The following TMEM132C variants were observed in gnomAD, a reference collection of about 807,000 sequenced individuals.
TMEM132C encodes the protein protein phosphatase 1, regulatory subunit 152.
A neutral mutation model predicts 61.4 loss-of-function variants in TMEM132C; 29 were observed. The ratio of observed to expected loss-of-function variants is 0.47; its 90% CI spans 0.35 to 0.64. The LOEUF (loss-of-function observed/expected upper bound fraction) is 0.64, where lower values mean the gene tolerates loss of function less well. TMEM132C is among the 30% of genes least tolerant of loss of function. TMEM132C has a pLI of 0.00. For missense variants in TMEM132C, 1,408 were observed against 1,476.9 expected (o/e 0.95, Z 0.76); for synonymous variants, 656 against 633.1 (o/e 1.04, Z -0.54).
intron 2 of TMEM132C, among the ~76,000 whole-genome samples, chr12:128,424,951 C>G (rs944889921): frequency 6.6e-6 from 1 of 152,156 alleles, no homozygotes; most frequent in Non-Finnish European, 1.5e-5. Context: ...TTTAGAAACC[C>G]CCTCAACATT....
At chr12:128,540,021 C>T (rs556909410) in intron 2 of TMEM132C, among the ~76,000 whole-genome samples, 71 of 152,182 alleles carry the variant, frequency 4.7e-4, no homozygotes, top group African/African-American at 1.6e-3. Context: ...TCAAAGCCAT[C>T]CTCTTAATTT....
At chr12:128,325,214 A>T (rs986174157) in intron 1 of TMEM132C, among the ~76,000 whole-genome samples, 1 of 152,176 alleles carries the variant, frequency 6.6e-6, no homozygotes, top group Non-Finnish European at 1.5e-5. Flanking sequence ...TTAATTTTGT[A>T]TAGGAAAACA....
At chr12:128,312,545 G>C (rs1872007332) in intron 1 of TMEM132C, among the ~76,000 whole-genome samples, 1 of 152,180 alleles carries the variant, frequency 6.6e-6, no homozygotes, top group Non-Finnish European at 1.5e-5. Context: ...CGGGAAGGGA[G>C]AGGGAGACTT....
chr12:128,415,037 C>T lies in TMEM132C; in HGVS notation c.391C>T (p.Leu131=), dbSNP rs1401563797. 6.4e-7 allele frequency: 1 copy of T among 1,573,710 alleles called. No individual in the cohort carries two copies. The highest frequency in any genetic ancestry group is 1.9e-5 in the Admixed American group (1 of 53,840). The change falls in exon 2 of 9, where the codon CTA becomes TTA. Residue 131 remains leucine (L), a synonymous_variant. Coordinates refer to ENST00000435159, the MANE Select transcript of TMEM132C (RefSeq NM_001136103.3). The surrounding 1 kb of genome is among the most constrained non-coding windows in gnomAD (Gnocchi z 5.8). The part of the protein sequence containing the change: ...PTNKFSFDWK[L]KAHILRDKVY... ...CAATAAGTTTAGTTTTGATTGGAAACTAAAAGCCCACATCCTGCGGGACAA... is the reference window on the plus strand; with the variant it reads ...CAATAAGTTTAGTTTTGATTGGAAATTAAAAGCCCACATCCTGCGGGACAA...
At chr12:128,382,473 T>C (rs10773533) in intron 1 of TMEM132C, among the ~76,000 whole-genome samples, 59,675 of 151,806 alleles carry the variant, frequency 0.39, 12,170 homozygotes, top group Middle Eastern at 0.46. Context: ...TTTTTAATTT[T>C]AGTTAATTTT....
intron 1 of TMEM132C, among the ~76,000 whole-genome samples, chr12:128,396,807 C>T (rs1874973711): frequency 6.6e-6 from 1 of 152,114 alleles, no homozygotes; most frequent in African/African-American, 2.4e-5. Context: ...CCGGAGCTGC[C>T]CTCTCCACAG....
chr12:128,476,731 C>T (rs548802625), intron 2 of TMEM132C, among the ~76,000 whole-genome samples: 2 of 152,278 alleles, frequency 1.3e-5, no homozygotes, highest in South Asian at 4.1e-4. Flanking sequence ...AATACTTGGG[C>T]CTCACCCCCT....
intron 2 of TMEM132C, among the ~76,000 whole-genome samples, chr12:128,481,003 C>T (rs1474734117): frequency 6.6e-6 from 1 of 152,168 alleles, no homozygotes. Flanking sequence ...CAGCATCTCG[C>T]ACGCTTCCTG....
intron 5 of TMEM132C, among the ~76,000 whole-genome samples, chr12:128,674,986 G>A (rs547399473): frequency 2.0e-5 from 3 of 152,292 alleles, no homozygotes; most frequent in Non-Finnish European, 2.9e-5. Context: ...GCACTTGAAT[G>A]TGTGTAGATG....
At chr12:128,269,347 C>CGT (rs58843737) in intron 1 of TMEM132C, among the ~76,000 whole-genome samples, 6,262 of 143,096 alleles carry the variant, frequency 0.044, 135 homozygotes, top group Non-Finnish European at 0.056. Context: ...GCTCACATTC[C>CGT]GTGTGTGTGT....
intron 4 of TMEM132C, among the ~76,000 whole-genome samples, chr12:128,654,425 G>A (rs912860906): frequency 2.6e-5 from 4 of 152,158 alleles, no homozygotes; most frequent in African/African-American, 9.7e-5. Context: ...CAAAGTTCTG[G>A]CCTCCAGAAC....
In TMEM132C at chr12:128,669,404, T is replaced by A; in HGVS notation, c.1306-13T>A. ...ATCTCCCTTGACCCAGTGTGTTTGA[T>A]TCTTTTTGGCAGGACACTGAAATTC... On this transcript the variant is annotated splice_polypyrimidine_tract_variant and intron_variant, in intron 4 of 8. Transcript: ENST00000435159. The A allele has an allele frequency of 6.4e-7, 1 of 1,551,480 alleles. No homozygotes were observed. Among genetic ancestry groups the A allele is most frequent in the Non-Finnish European group, 8.7e-7 (1 of 1,146,902 alleles).
chr12:128,353,566 C>T (rs1159136156), intron 1 of TMEM132C, among the ~76,000 whole-genome samples: 2 of 152,194 alleles, frequency 1.3e-5, no homozygotes, highest in East Asian at 3.8e-4. Flanking sequence ...TTTATTGCCC[C>T]TACTTTGCGC....
At chr12:128,639,153 ATGGTGATGG>A (rs1395557654) in intron 4 of TMEM132C, among the ~76,000 whole-genome samples, 1 of 140,412 alleles carries the variant, frequency 7.1e-6, no homozygotes, top group African/African-American at 2.7e-5. Context: ...GGTGATGATG[ATGGTGATGG>A]TGGTGATGGT....
chr12:128,356,767 C>A (rs1041833153), intron 1 of TMEM132C, among the ~76,000 whole-genome samples: 3 of 152,178 alleles, frequency 2.0e-5, no homozygotes, highest in African/African-American at 7.2e-5. Context: ...GCCTTCTGCC[C>A]GCTCTGGAGA....
At chr12:128,437,317 C>A in intron 2 of TMEM132C, among the ~76,000 whole-genome samples, 1 of 152,094 alleles carries the variant, frequency 6.6e-6, no homozygotes, top group Non-Finnish European at 1.5e-5. Context: ...ATAAACAAAC[C>A]ACTGACTTAT....
chr12:128,341,737 AG>A (rs1216076073), intron 1 of TMEM132C, among the ~76,000 whole-genome samples: 1 of 152,144 alleles, frequency 6.6e-6, no homozygotes, highest in Admixed American at 6.5e-5. Flanking sequence ...TTGGGGGATG[AG>A]GTAGAAGTAG....
chr12:128,455,395 C>T (rs1191474693), intron 2 of TMEM132C, among the ~76,000 whole-genome samples: 4 of 152,186 alleles, frequency 2.6e-5, no homozygotes, highest in African/African-American at 4.8e-5. Context: ...GCCCGGCCGT[C>T]TGTGCTCAGG....
At chr12:128,649,902 G>A (rs982454544) in intron 4 of TMEM132C, among the ~76,000 whole-genome samples, 2 of 152,228 alleles carry the variant, frequency 1.3e-5, no homozygotes, top group African/African-American at 4.8e-5. Flanking sequence ...GATAAGTAAA[G>A]TTTGTTTCCT....
Sources: gnomAD v4.1 joint callset for allele counts (sites outside exome capture counted in the v4.1 genomes callset) on GRCh38, gnomAD v4.1.1 for gene constraint, Gnocchi (gnomAD v3.1) non-coding constraint, MANE v1.5 for transcripts, NCBI Gene and HGNC (gene_info 2026-07-23, HGNC 2026-07-21) for gene names.